Variants in CES5A observed in about 807,000 individuals in gnomAD.
CES5A encodes the protein carboxylesterase 5A, also known as carboxylesterase 5.
A neutral mutation model predicts 62.9 loss-of-function variants in CES5A; 67 were observed. The ratio of observed to expected loss-of-function variants is 1.07; its 90% CI spans 0.88 to 1.31. CES5A has a LOEUF of 1.31. CES5A is among the 50% of genes most tolerant of loss of function. The probability of loss-of-function intolerance (pLI) is 0.00; values close to 1 mark genes in which losing one functional copy is unlikely to be tolerated. For missense variants in CES5A, 748 were observed against 708.5 expected, an observed-to-expected ratio of 1.06 and a Z score of -0.63; for synonymous variants, 296 against 280.8, an observed-to-expected ratio of 1.05 and a Z score of -0.54.
intron 3 of CES5A, among the ~76,000 whole-genome samples, chr16:55,870,044 T>G (rs1249352277): frequency 1.3e-5 from 2 of 152,206 alleles, no homozygotes; most frequent in Non-Finnish European, 2.9e-5. Flanking sequence ...CTTATGAAGT[T>G]ATCATGAGGT....
At chr16:55,877,405 CAT>C (rs1326999832), upstream of CES5A, among the ~76,000 whole-genome samples, 2 of 150,466 alleles carry the variant, frequency 1.3e-5, no homozygotes, top group African/African-American at 4.9e-5. Context: ...TACATGTATA[CAT>C]ATGTGTGTGT....
In CES5A at chr16:55,869,460, C is replaced by T. The variant is rs567091563; in HGVS notation, c.551+151G>A. 1,718 of 1,346,130 alleles carry T rather than the reference C, an allele frequency of 1.3e-3. 38 individuals carry two copies. In the South Asian group the frequency reaches 0.034, roughly 27 times the overall value. 83.4% of individuals were successfully genotyped at this position (1,346,130 alleles called of 1,614,324 possible). A position where few individuals can be genotyped will look rare whatever the true frequency, so the allele number is the denominator to read the frequency against. On this transcript the variant is annotated intron_variant, in intron 4 of 12. Coordinates refer to ENST00000290567, the MANE Select transcript of CES5A (RefSeq NM_001143685.2). ...CCACCAACATTTTGGGATTTATCTG[C>T]TACAGCTGCAAAAATTACCTAAGTA...
chr16:55,846,777 G>A lies in CES5A; in HGVS notation c.1487C>T (p.Ala496Val). ...CGGGAGGTTTACTTACCCGGTTCGAGCAAAGGTAGCCCAGTATTTCATCAT... is the reference window on the plus strand; with the variant it reads ...CGGGAGGTTTACTTACCCGGTTCGAACAAAGGTAGCCCAGTATTTCATCAT... ...RKMMKYWATF[A>V]RTGNPNGNDL... Residue 496 changes from alanine to valine, a missense_variant, in exon 12 of 13, where the codon GCT (alanine) becomes GTT (valine). Transcript: ENST00000290567. 1 of 1,614,156 alleles carries A rather than the reference G, an allele frequency of 6.2e-7. No homozygotes were observed. Among genetic ancestry groups the A allele is most frequent in the Non-Finnish European group, 8.5e-7 (1 of 1,180,016 alleles).
At chr16:55,920,069 T>C (rs1313685821) in intron 1 of CES5A, among the ~76,000 whole-genome samples, 1 of 152,024 alleles carries the variant, frequency 6.6e-6, no homozygotes, top group Non-Finnish European at 1.5e-5. Context: ...CAAATATAAG[T>C]GCCAAGATTA....
intron 1 of CES5A, among the ~76,000 whole-genome samples, chr16:55,915,872 G>A (rs535057162): frequency 6.6e-6 from 1 of 152,272 alleles, no homozygotes; most frequent in East Asian, 1.9e-4. Flanking sequence ...ATGGCTGAAG[G>A]ATAGATCTCT....
chr16:55,907,190 A>G (rs561205432), intron 1 of CES5A, among the ~76,000 whole-genome samples: 1 of 152,308 alleles, frequency 6.6e-6, no homozygotes, highest in East Asian at 1.9e-4. Context: ...GGAATGAGAA[A>G]CTTCATCCCA....
rs1042766385 is a variant in CES5A, at chr16:55,949,670, C to A, written c.160+115G>T. On this transcript the variant is annotated intron_variant, in intron 2 of 13. Transcript: ENST00000521992. The stretch of plus-strand genomic sequence containing the variant: ...AACATCTTGACAATGAAAATAAACA[C>A]AAAGGGAATTCCCGGTGGAAGTATG... The A allele has an allele frequency of 2.3e-5, 10 of 431,944 alleles. No homozygotes were observed. In the South Asian group the frequency reaches 5.4e-4, roughly 23 times the overall value. 26.8% of individuals were successfully genotyped at this position (431,944 alleles called of 1,614,324 possible).
In CES5A at chr16:55,857,880, T is replaced by C. The variant is rs1205983527; in HGVS notation, c.1057-1435A>G. On this transcript the variant is annotated intron_variant, in intron 8 of 12. Transcript: ENST00000290567. ...AACTCCCCTAATATCACACAGCAGG[T>C]AAACAGAGAACTCGATATTTAAAGG... 1.2e-4 allele frequency among the ~76,000 whole-genome samples: 19 copies of C among 152,106 alleles called. 1 individual carries two copies. Among genetic ancestry groups the C allele is most frequent in the Admixed American group, 1.2e-3 (19 of 15,270 alleles).
intron 1 of CES5A, among the ~76,000 whole-genome samples, chr16:55,874,565 T>A (rs866398228): frequency 5.3e-5 from 8 of 152,200 alleles, no homozygotes; most frequent in Admixed American, 3.3e-4. Context: ...TTTATGGAAT[T>A]GTGATTTTGG....
intron 1 of CES5A, among the ~76,000 whole-genome samples, chr16:55,917,999 G>A (rs1265037291): frequency 6.6e-6 from 1 of 152,120 alleles, no homozygotes; most frequent in Non-Finnish European, 1.5e-5. Context: ...GGAGAGAATT[G>A]GCCAAAATAG....
At chr16:55,894,334 C>G (rs2033909943) in intron 1 of CES5A, among the ~76,000 whole-genome samples, 1 of 151,568 alleles carries the variant, frequency 6.6e-6, no homozygotes, top group Non-Finnish European at 1.5e-5. Context: ...TAGTGAAACC[C>G]CATCTCTACT....
chr16:55,846,829 C>A lies in CES5A; in HGVS notation c.1435G>T (p.Glu479Ter), dbSNP rs1387047968. Residue 479 changes from glutamate (E) to a stop codon, truncating the protein, a stop_gained, in exon 12 of 13, where the codon GAG becomes TAG. Transcript: ENST00000290567. LOFTEE classifies it high-confidence loss of function. ...TTCCGGCTCAGTAACTTCTCCTCCT[C>A]CGTGGCTCCTTCTGAAGGAGATAAT... ...GDIVMFEGATEEEKLLSRKMM... is the reference protein window; with the variant it reads ...GDIVMFEGAT The A allele has an allele frequency of 3.1e-6, 5 of 1,614,096 alleles. No individual in the cohort carries two copies. Among genetic ancestry groups the A allele is most frequent in the Non-Finnish European group, 4.2e-6 (5 of 1,179,970 alleles).
upstream of CES5A, among the ~76,000 whole-genome samples, chr16:55,875,698 C>G (rs138369384): frequency 9.4e-4 from 143 of 152,334 alleles, no homozygotes; most frequent in African/African-American, 3.2e-3. Context: ...CCAGCTCAGA[C>G]AAGCAGCCCG....
intron 8 of CES5A, among the ~76,000 whole-genome samples, chr16:55,857,388 A>T (rs1173225469): frequency 6.6e-6 from 1 of 152,162 alleles, no homozygotes; most frequent in Non-Finnish European, 1.5e-5. Context: ...TACCGCTTTA[A>T]AATGTGAGGC....
chr16:55,859,522 C>A, intron 8 of CES5A, 25 bp downstream of exon 8: 1 of 1,605,870 alleles, frequency 6.2e-7, no homozygotes, highest in Non-Finnish European at 8.5e-7. Context: ...GAGGGAGTGG[C>A]AGTATGGACA....
At chr16:55,853,204 G>T (rs1300976220) in intron 9 of CES5A, among the ~76,000 whole-genome samples, 176 bp from the exon 10 acceptor site, 3 of 152,170 alleles carry the variant, frequency 2.0e-5, no homozygotes, top group Non-Finnish European at 4.4e-5. Flanking sequence ...TTAAGAAACT[G>T]AGGCTTAGAG....
chr16:55,893,314 T>C (rs1214837153), intron 1 of CES5A, among the ~76,000 whole-genome samples: 1 of 149,182 alleles, frequency 6.7e-6, no homozygotes, highest in East Asian at 2.0e-4. Flanking sequence ...CGGTATGAAA[T>C]AGAAAAAAAA....
rs2142415959 is a variant in CES5A at position 55,873,973 on chromosome 16, A to G, written c.138T>C (p.Thr46=). The G allele has an allele frequency of 1.2e-6, 2 of 1,612,964 alleles. No homozygotes were observed. Among genetic ancestry groups the G allele is most frequent in the Non-Finnish European group, 1.7e-6 (2 of 1,179,734 alleles). The change falls in exon 2 of 13, where the codon ACT becomes ACC. Residue 46 remains threonine (T), a synonymous_variant. Coordinates refer to ENST00000290567, the MANE Select transcript of CES5A (RefSeq NM_001143685.2). ...TCACAGGCACAGGGCTTCCCAGCAC[A>G]GTGACTTGCTTGCCCTGAATCCATC... ...RLGWIQGKQV[T]VLGSPVPVNV... is the part of the protein sequence containing the mutation.
intron 2 of CES5A, among the ~76,000 whole-genome samples, chr16:55,936,245 G>T (rs1216923725): frequency 6.6e-6 from 1 of 152,176 alleles, no homozygotes; most frequent in African/African-American, 2.4e-5. Flanking sequence ...ATGCCTCAAA[G>T]AATTAATGGA....
Sources: allele counts gnomAD v4.1 joint callset (sites outside exome capture counted in the v4.1 genomes callset), GRCh38; gene constraint gnomAD v4.1.1; transcripts MANE v1.5; gene names NCBI Gene and HGNC (gene_info 2026-07-23, HGNC 2026-07-21).